The following GSDMA variants were observed in gnomAD, a reference collection of about 807,000 sequenced individuals.
GSDMA encodes gasdermin A.
GSDMA carries 55 observed loss-of-function variants against 54.3 expected under a neutral mutation model. The observed-to-expected ratio is 1.01, with a 90% CI of 0.82 to 1.27. The LOEUF is 1.27. GSDMA is among the 50% of genes most tolerant of loss of function. GSDMA has a pLI of 0.00. For missense variants in GSDMA, 542 were observed against 542.6 expected (o/e 1.00, Z 0.01); for synonymous variants, 211 against 224.7 (o/e 0.94, Z 0.54).
intron 3 of GSDMA, among the ~76,000 whole-genome samples, chr17:39,968,966 C>T (rs1290888307): frequency 6.6e-6 from 1 of 152,134 alleles, no homozygotes; most frequent in Admixed American, 6.5e-5. Context: ...GAGACATCAG[C>T]TGAGCATGTT....
rs1980231651 is a variant in GSDMA at position 39,977,022 on chromosome 17, C to T, written c.1302C>T (p.Gly434=). The T allele has an allele frequency of 6.2e-7, 1 of 1,613,766 alleles. No individual in the cohort carries two copies. Among genetic ancestry groups the T allele is most frequent in the Non-Finnish European group, 8.5e-7 (1 of 1,179,876 alleles). The change falls in exon 12 of 12, where the codon GGC becomes GGT. Residue 434 remains glycine (G), a synonymous_variant. Transcript: ENST00000301659. The part of the protein sequence containing the change: ...TLPRLCALYA[G]LSLLQQLTKA... ...CTCGCCTCTGTGCTCTTTATGCAGG[C>T]CTCTCTCTCCTTCAGCAGCTTACCA...
At chr17:39,970,141 G>C (rs11654570) in intron 3 of GSDMA, among the ~76,000 whole-genome samples, 8 of 151,932 alleles carry the variant, frequency 5.3e-5, no homozygotes, top group South Asian at 2.1e-4. Context: ...GAGGAAAGAG[G>C]GGGGGAGCAT....
intron 3 of GSDMA, 65 bp downstream of exon 3, chr17:39,966,502 T>C: frequency 7.1e-7 from 1 of 1,409,348 alleles, no homozygotes; most frequent in Non-Finnish European, 9.7e-7. Flanking sequence ...AAATGGTGCT[T>C]GGGGCCTTGA....
At chr17:39,971,794 G>A (rs1400695966) in intron 5 of GSDMA, among the ~76,000 whole-genome samples, 174 bp downstream of exon 5, 1 of 152,206 alleles carries the variant, frequency 6.6e-6, no homozygotes, top group Non-Finnish European at 1.5e-5. Flanking sequence ...GAGGCTCCTG[G>A]ATTCTGAGCA....
intron 11 of GSDMA, 141 bp downstream of exon 11, chr17:39,976,138 T>C (rs936986289): frequency 3.5e-6 from 2 of 564,334 alleles, no homozygotes; most frequent in Middle Eastern, 9.4e-4. Context: ...CCTTTCTCTC[T>C]CTATTTCTCA....
rs1235150610 is a variant in GSDMA, at chr17:39,965,821, G to C, written c.134G>C (p.Ser45Thr). The C allele has an allele frequency of 6.3e-7, 1 of 1,591,290 alleles. No homozygotes were observed. The highest frequency in any genetic ancestry group is 1.3e-5 in the African/African-American group (1 of 74,518). ...TGCCTGGTGCTGAGGAAGAGGAAGA[G>C]CACGCTCTTCTGGGGGGCCCGGTAC... ...PFCLVLRKRK[S>T]TLFWGARYVR... Residue 45 changes from serine (S) to threonine (T), a missense_variant, in exon 2 of 12, where the codon AGC becomes ACC. Transcript: ENST00000301659.
rs375455727 is a variant in GSDMA, at chr17:39,972,533, G to A, written c.704-54G>A. 2,159 of 1,586,138 alleles carry A rather than the reference G, an allele frequency of 1.4e-3. 4 individuals are homozygous for A. Among genetic ancestry groups the A allele is most frequent in the Non-Finnish European group, 1.7e-3 (1,921 of 1,159,306 alleles). On this transcript the variant is annotated intron_variant, in intron 6 of 11. Transcript: ENST00000301659. ...AACTGCCTTGAAGACTGTTTTAGAT[G>A]AAAAGGCAAAAATGGGTTTTGTGCT...
intron 1 of GSDMA, 86 bp from the exon 2 acceptor site, chr17:39,965,597 T>G (rs1177361999): frequency 1.1e-6 from 1 of 949,790 alleles, no homozygotes; most frequent in Non-Finnish European, 1.6e-6. Context: ...GGGTAAACTC[T>G]CTCTGCAGGG....
chr17:39,974,839 TG>T, intron 9 of GSDMA, 60 bp from the exon 10 acceptor site: 1 of 886,464 alleles, frequency 1.1e-6, no homozygotes, highest in Non-Finnish European at 1.8e-6. Context: ...TATTATGTGC[TG>T]GGCCCTGGGT....
intron 2 of GSDMA, 38 bp from the exon 3 acceptor site, chr17:39,966,222 C>A: frequency 6.2e-7 from 1 of 1,609,266 alleles, no homozygotes; most frequent in South Asian, 1.1e-5. Context: ...TTACTGCACC[C>A]AGCCAGCCCA....
chr17:39,965,393 C>A (rs952868637), intron 1 of GSDMA: 2 of 415,120 alleles, frequency 4.8e-6, no homozygotes, highest in South Asian at 3.7e-5. Flanking sequence ...AGAAAATGAG[C>A]GTGGAGTGAG....
At chr17:39,971,332 A>G (rs1979928420) in intron 4 of GSDMA, among the ~76,000 whole-genome samples, 192 bp from the exon 5 acceptor site, 1 of 152,090 alleles carries the variant, frequency 6.6e-6, no homozygotes, top group Non-Finnish European at 1.5e-5. Flanking sequence ...TAGAGGGAAA[A>G]TCAGCAGAAA....
At position 39,976,672 on chromosome 17, in the gene GSDMA, G is replaced by A. The variant is rs186085320; in HGVS notation, c.1096-144G>A. 1.2e-4 allele frequency: 129 copies of A among 1,063,998 alleles called. 1 individual carries two copies. The East Asian group carries it at 3.0e-3, about 24-fold the overall frequency. The allele number at this position is 1,063,998 out of a possible 1,614,324, so 65.9% of individuals were successfully genotyped here. A position where few individuals can be genotyped will look rare whatever the true frequency, so the allele number is the denominator to read the frequency against. On this transcript the variant is annotated intron_variant, in intron 11 of 11. Transcript: ENST00000301659. ...AATGTGCTGCCCACTGTATAGGGCT[G>A]TTCAAAGACCCAGATGGGGTTGTAA...
chr17:39,974,182 G>C, intron 8 of GSDMA, 91 bp from the exon 9 acceptor site: 1 of 1,334,702 alleles, frequency 7.5e-7, no homozygotes, highest in Non-Finnish European at 1.0e-6. Flanking sequence ...GTACCTAAAG[G>C]GGGCTGAGTG....
At chr17:39,974,812 T>C (rs1365905211) in intron 9 of GSDMA, 88 bp from the exon 10 acceptor site, 1 of 730,822 alleles carries the variant, frequency 1.4e-6, no homozygotes, top group Non-Finnish European at 2.4e-6. Flanking sequence ...GGAGAGAGTT[T>C]CCGCATGTCA....
Position 39,976,914 on chromosome 17 carries a change from C to T in GSDMA, c.1194C>T (p.Thr398=), listed in dbSNP as rs907226754. ...LLSSLGDEEL[T]LTEALVGLSG... ...CCTCCCTTGGGGACGAGGAGCTGAC[C>T]CTCACGGAGGCTCTAGTCGGGCTGA... The change falls in exon 12 of 12, where the codon ACC becomes ACT. Residue 398 remains threonine (T), a synonymous_variant. Transcript: ENST00000301659. 4 of 1,613,874 alleles carry T rather than the reference C, an allele frequency of 2.5e-6. No individual in the cohort carries two copies. Among genetic ancestry groups the T allele is most frequent in the Non-Finnish European group, 3.4e-6 (4 of 1,179,910 alleles).
intron 8 of GSDMA, 46 bp from the exon 9 acceptor site, chr17:39,974,227 G>C: frequency 6.4e-7 from 1 of 1,556,710 alleles, no homozygotes; most frequent in Non-Finnish European, 8.7e-7. Context: ...GACTGGAGAG[G>C]AAGGTGCCCG....
intron 1 of GSDMA, among the ~76,000 whole-genome samples, chr17:39,964,641 T>C: frequency 6.6e-6 from 1 of 152,020 alleles, no homozygotes; most frequent in Non-Finnish European, 1.5e-5. Context: ...TACTCATACC[T>C]GTGGCACGCA....
chr17:39,970,156 C>T (rs1979865750), intron 3 of GSDMA, among the ~76,000 whole-genome samples: 3 of 152,206 alleles, frequency 2.0e-5, no homozygotes, highest in African/African-American at 7.2e-5. Flanking sequence ...GAGCATCTAC[C>T]CCCGAACTGG....
Sources: allele counts gnomAD v4.1 joint callset (sites outside exome capture counted in the v4.1 genomes callset), GRCh38; gene constraint gnomAD v4.1.1; transcripts MANE v1.5; gene names NCBI Gene and HGNC (gene_info 2026-07-23, HGNC 2026-07-21).